Variants in CWF19L1 observed in about 807,000 individuals in gnomAD.
The protein encoded by CWF19L1 is CWF19-like protein 1.
A neutral mutation model predicts 69.7 loss-of-function variants in CWF19L1; 60 were observed. That is an observed-to-expected ratio of 0.86 (90% CI 0.70 to 1.07). CWF19L1 has a LOEUF of 1.07. CWF19L1 is among the 50% of genes least tolerant of loss of function. The pLI, the probability that CWF19L1 is intolerant of heterozygous loss-of-function variation, is 0.00. For synonymous variants in CWF19L1, 209 were observed against 222.2 expected, an observed-to-expected ratio of 0.94 and a Z score of 0.53; for missense variants, 591 against 638.9, an observed-to-expected ratio of 0.92 and a Z score of 0.81.
intron 9 of CWF19L1, 97 bp downstream of exon 9, chr10:100,245,702 T>C (rs1846794889): frequency 4.7e-6 from 4 of 858,786 alleles, no homozygotes; most frequent in Non-Finnish European, 7.6e-6. Context: ...AATTCTCCCC[T>C]GCCAGAAGAG....
intron 7 of CWF19L1, chr10:100,249,139 C>A: frequency 2.4e-6 from 1 of 410,808 alleles, no homozygotes; most frequent in South Asian, 2.8e-5. Context: ...TTAACACTGT[C>A]TTCCTTCTGC....
intron 10 of CWF19L1, among the ~76,000 whole-genome samples, chr10:100,239,003 G>A (rs557303228): frequency 2.2e-4 from 5 of 22,648 alleles, no homozygotes; most frequent in East Asian, 2.3e-3. Context: ...CCCCACCCCC[G>A]AATATACTCC....
rs374665607 is a variant in CWF19L1 at position 100,237,177 on chromosome 10, A to T, written c.1255-208T>A. On this transcript the variant is annotated intron_variant, in intron 11 of 13. Transcript: ENST00000354105. ...TGACACATGTGGGAGCCATTCTCTG[A>T]TGCAGGAAAGGCTTAAGAGAGATAT... 54 of 738,986 alleles carry T rather than the reference A, an allele frequency of 7.3e-5. No homozygotes were observed. The African/African-American group carries it at 8.9e-4, about 12-fold the overall frequency. The allele number at this position is 738,986 out of a possible 1,614,324, so 45.8% of individuals were successfully genotyped here.
Position 100,260,265 on chromosome 10 carries a change from A to C in CWF19L1, c.242T>G (p.Phe81Cys), listed in dbSNP as rs1847354345. The change falls in exon 4 of 14, where the codon TTC becomes TGC. Residue 81 changes from phenylalanine to cysteine, a missense_variant. Coordinates refer to ENST00000354105, the MANE Select transcript of CWF19L1 (RefSeq NM_018294.6). ...GANNQETVKY[F>C]QDADGCELAE... ...TAATTCACATCCATCAGCATCCTGG[A>C]AATATTTTACTGTTTCCTGGTTATT... 1 of 1,612,940 alleles carries C rather than the reference A, an allele frequency of 6.2e-7. No individual in the cohort carries two copies. The highest frequency in any genetic ancestry group is 8.5e-7 in the Non-Finnish European group (1 of 1,179,134).
At chr10:100,265,890 AG>A (rs374988445) in intron 1 of CWF19L1, among the ~76,000 whole-genome samples, 83 of 152,264 alleles carry the variant, frequency 5.5e-4, no homozygotes, top group African/African-American at 1.9e-3. Context: ...AATTGCCTAC[AG>A]TATTCAGTAC....
intron 1 of CWF19L1, among the ~76,000 whole-genome samples, chr10:100,266,559 G>C (rs554048506): frequency 4.6e-5 from 7 of 151,546 alleles, no homozygotes; most frequent in Non-Finnish European, 8.8e-5. Context: ...CTGTTACCTA[G>C]GCTGGAGTGC....
chr10:100,257,238 C>T (rs965061212), intron 4 of CWF19L1, among the ~76,000 whole-genome samples: 2 of 151,844 alleles, frequency 1.3e-5, no homozygotes, highest in Non-Finnish European at 2.9e-5. Flanking sequence ...GAAACTTCCT[C>T]CTCTTCAGTT....
At chr10:100,263,951 C>G (rs192304846) in intron 1 of CWF19L1, among the ~76,000 whole-genome samples, 14 of 152,294 alleles carry the variant, frequency 9.2e-5, no homozygotes, top group African/African-American at 2.9e-4. Context: ...TTTCAATAAC[C>G]TTTTTAGGTT....
At chr10:100,248,127 T>TTTTTCACTAATACTTAG (rs1846891691) in intron 7 of CWF19L1, 2 of 540,694 alleles carry the variant, frequency 3.7e-6, no homozygotes, top group Non-Finnish European at 6.7e-6. Flanking sequence ...GTTATTCAGT[T>TTTTTCACTAATACTTAG]TGAAAGGGCA....
chr10:100,267,314 G>T, intron 1 of CWF19L1: 1 of 441,596 alleles, frequency 2.3e-6, no homozygotes, highest in Non-Finnish European at 3.0e-6. Flanking sequence ...TGCCCCCTAA[G>T]ATGGAGGAGG....
At chr10:100,253,777 G>A in intron 5 of CWF19L1, 1 of 415,180 alleles carries the variant, frequency 2.4e-6, no homozygotes, top group Non-Finnish European at 4.2e-6. Flanking sequence ...AGATTAAAAG[G>A]TAACTCCTCC....
intron 9 of CWF19L1, among the ~76,000 whole-genome samples, chr10:100,245,025 CT>C (rs5787375): frequency 0.3 from 42,709 of 142,602 alleles, 7,131 homozygotes; most frequent in Non-Finnish European, 0.42. Context: ...AGAATATCAA[CT>C]TTTTTTTTTT....
Position 100,232,470 on chromosome 10 carries a change from T to C in CWF19L1, c.*757A>G, listed in dbSNP as rs1372070850. 3.3e-5 allele frequency: 5 copies of C among 152,464 alleles called. No homozygotes were observed. Among genetic ancestry groups the C allele is most frequent in the African/African-American group, 1.2e-4 (5 of 41,478 alleles). 9.4% of individuals were successfully genotyped at this position (152,464 alleles called of 1,614,324 possible). ...CACTGTCACCCAGGCTGGAGTGCAA[T>C]GGAGCGATCTTGGCTCACTGCAACC... On this transcript the variant is annotated 3_prime_UTR_variant, in exon 14 of 14. Transcript: ENST00000354105.
chr10:100,234,423 G>T (rs2134270385), intron 13 of CWF19L1, among the ~76,000 whole-genome samples: 1 of 152,260 alleles, frequency 6.6e-6, no homozygotes, highest in African/African-American at 2.4e-5. Context: ...TTCTTTTTGT[G>T]TGCTTTATAC....
intron 7 of CWF19L1, among the ~76,000 whole-genome samples, chr10:100,248,039 C>T (rs1846888535): frequency 6.6e-6 from 1 of 152,034 alleles, no homozygotes; most frequent in African/African-American, 2.4e-5. Context: ...AATGTGCACA[C>T]CTTTTGACGA....
At chr10:100,255,537 C>T (rs1589627982) in intron 5 of CWF19L1, among the ~76,000 whole-genome samples, 1 of 152,146 alleles carries the variant, frequency 6.6e-6, no homozygotes, top group Middle Eastern at 3.4e-3. Flanking sequence ...CCGAGGCAGG[C>T]AGATTGTCTG....
chr10:100,263,271 T>G (rs560807067), intron 1 of CWF19L1, among the ~76,000 whole-genome samples: 57 of 152,268 alleles, frequency 3.7e-4, no homozygotes, highest in Non-Finnish European at 7.2e-4. Context: ...TTTCTCCAAG[T>G]TTTCTTAACT....
At chr10:100,266,627 T>A (rs1847596034) in intron 1 of CWF19L1, among the ~76,000 whole-genome samples, 1 of 151,320 alleles carries the variant, frequency 6.6e-6, no homozygotes, top group South Asian at 2.1e-4. Context: ...GCGATTCTCC[T>A]GCCTCAGCCT....
At position 100,256,417 on chromosome 10, in the gene CWF19L1, C is replaced by A. The variant is rs201230582; in HGVS notation, c.349G>T (p.Glu117Ter). 6 of 1,614,054 alleles carry A rather than the reference C, an allele frequency of 3.7e-6. No homozygotes were observed. In the African/African-American group the frequency reaches 8.0e-5, roughly 22 times the overall value. ...CCTGGTACTGGCTCATTTAAGGATT[C>A]TGTCCCACTGAGGTACACAATCTGC... ...GLQIVYLSGT[E>*]SLNEPVPGYS... is the part of the protein sequence containing the mutation. Residue 117 changes from glutamate (E) to a stop codon, truncating the protein, a stop_gained, in exon 5 of 14, where the codon GAA becomes TAA. Coordinates refer to ENST00000354105, the MANE Select transcript of CWF19L1 (RefSeq NM_018294.6). LOFTEE classifies it high-confidence loss of function.
Sources: allele counts gnomAD v4.1 joint callset (sites outside exome capture counted in the v4.1 genomes callset), GRCh38; gene constraint gnomAD v4.1.1; transcripts MANE v1.5; gene names NCBI Gene and HGNC (gene_info 2026-07-23, HGNC 2026-07-21).